Variants in KLHL8 observed in about 807,000 individuals in gnomAD.
KLHL8 encodes kelch-like protein 8.
KLHL8 carries 38 observed loss-of-function variants against 63.5 expected under a neutral mutation model. The ratio of observed to expected loss-of-function variants is 0.60; its 90% CI spans 0.46 to 0.78. The LOEUF is 0.78. KLHL8 is among the 30% of genes least tolerant of loss of function. KLHL8 has a pLI of 0.00. For synonymous variants in KLHL8, 224 were observed against 254.3 expected (o/e 0.88, Z 1.13); for missense variants, 566 against 752.4 (o/e 0.75, Z 2.90).
chr4:87,190,033 C>CA (rs35607781), intron 2 of KLHL8, among the ~76,000 whole-genome samples: 14,487 of 76,402 alleles, frequency 0.19, 1,420 homozygotes, highest in South Asian at 0.23. Flanking sequence ...GCCTCCATCT[C>CA]AAAAAAAAAA....
chr4:87,214,788 AG>A (rs1039362725), intron 1 of KLHL8, among the ~76,000 whole-genome samples: 1 of 145,874 alleles, frequency 6.9e-6, no homozygotes, highest in African/African-American at 2.4e-5. Flanking sequence ...GAATTTTTAA[AG>A]GTTTTTTTTT....
chr4:87,174,489 G>C (rs1730746030), intron 6 of KLHL8, among the ~76,000 whole-genome samples: 1 of 152,064 alleles, frequency 6.6e-6, no homozygotes, highest in Non-Finnish European at 1.5e-5. Context: ...ATGTTGGCCA[G>C]GCTGGTCTCA....
At chr4:87,215,934 TATC>T (rs1208114217) in intron 1 of KLHL8, among the ~76,000 whole-genome samples, 2 of 152,190 alleles carry the variant, frequency 1.3e-5, no homozygotes, top group African/African-American at 4.8e-5. Flanking sequence ...ATACAAGAAA[TATC>T]ATACAACAGA....
intron 8 of KLHL8, among the ~76,000 whole-genome samples, chr4:87,165,094 G>A (rs1381322350): frequency 7.0e-6 from 1 of 143,118 alleles, no homozygotes; most frequent in East Asian, 2.1e-4. Context: ...CGCTTGCAGT[G>A]AGCCGAGATT....
At chr4:87,200,306 C>G (rs1731870037) in intron 1 of KLHL8, among the ~76,000 whole-genome samples, 1 of 152,034 alleles carries the variant, frequency 6.6e-6, no homozygotes. Context: ...CCTTAAGTCC[C>G]TTATATAAAC....
chr4:87,209,248 C>A (rs13435811), intron 1 of KLHL8, among the ~76,000 whole-genome samples: 12,048 of 152,080 alleles, frequency 0.079, 647 homozygotes, highest in Non-Finnish European at 0.12. Context: ...TTCCTCCTTC[C>A]TCAAATATAT....
chr4:87,173,724 T>G (rs891247696), intron 6 of KLHL8, among the ~76,000 whole-genome samples: 1 of 152,238 alleles, frequency 6.6e-6, no homozygotes, highest in African/African-American at 2.4e-5. Context: ...CTAGAGAAGT[T>G]TCATTCAATC....
rs1446966677 is a variant in KLHL8 at position 87,207,603 on chromosome 4, A to G, written c.-151-11913T>C. The G allele has an allele frequency of 4.9e-6, 6 of 1,213,732 alleles. No individual in the cohort carries two copies. In the African/African-American group the frequency reaches 9.0e-5, roughly 18 times the overall value. The allele number at this position is 1,213,732 out of a possible 1,614,324, so 75.2% of individuals were successfully genotyped here. A position where few individuals can be genotyped will look rare whatever the true frequency, so the allele number is the denominator to read the frequency against. The stretch of plus-strand genomic sequence containing the variant: ...ATGACAACTTTGGTATCGTGGAAGG[A>G]CTCATGACTACAGTCCATGCCATCA... On this transcript the variant is annotated intron_variant, in intron 1 of 9. Coordinates refer to ENST00000273963, the MANE Select transcript of KLHL8 (RefSeq NM_020803.5).
chr4:87,166,296 T>C (rs988983445), intron 8 of KLHL8, among the ~76,000 whole-genome samples: 2 of 152,244 alleles, frequency 1.3e-5, no homozygotes, highest in African/African-American at 4.8e-5. Context: ...CTGCTACTTA[T>C]AAGAGAATGC....
At chr4:87,184,464 G>C (rs1303115786) in intron 3 of KLHL8, among the ~76,000 whole-genome samples, 1 of 152,100 alleles carries the variant, frequency 6.6e-6, no homozygotes, top group Non-Finnish European at 1.5e-5. Context: ...AGGAAACTTT[G>C]TTATTAAAAA....
At chr4:87,180,022 T>C (rs1348577408) in intron 4 of KLHL8, among the ~76,000 whole-genome samples, 1 of 152,176 alleles carries the variant, frequency 6.6e-6, no homozygotes, top group Non-Finnish European at 1.5e-5. Flanking sequence ...ACTTCCTTCA[T>C]ACTTTGAGCA....
intron 1 of KLHL8, among the ~76,000 whole-genome samples, chr4:87,233,445 G>T (rs770561829): frequency 6.6e-6 from 1 of 152,044 alleles, no homozygotes; most frequent in Non-Finnish European, 1.5e-5. Flanking sequence ...GTTGTGGCAC[G>T]CACCTTTATT....
At chr4:87,168,042 C>A (rs1464663468) in intron 8 of KLHL8, among the ~76,000 whole-genome samples, 2 of 152,150 alleles carry the variant, frequency 1.3e-5, no homozygotes, top group South Asian at 4.1e-4. Context: ...CCCCACACCC[C>A]GCCCCCCGCC....
At chr4:87,198,137 G>A (rs566293380) in intron 1 of KLHL8, among the ~76,000 whole-genome samples, 23 of 151,820 alleles carry the variant, frequency 1.5e-4, no homozygotes, top group Non-Finnish European at 2.6e-4. Flanking sequence ...TGGCCAACAT[G>A]GCAAAACCCC....
intron 8 of KLHL8, chr4:87,167,303 G>A (rs1730441994): frequency 2.2e-6 from 1 of 461,244 alleles, no homozygotes; most frequent in East Asian, 5.0e-5. Context: ...GGCTGCTTTA[G>A]TGTTCAAAGA....
intron 1 of KLHL8, among the ~76,000 whole-genome samples, chr4:87,212,718 T>G (rs1323114160): frequency 6.6e-6 from 1 of 152,228 alleles, no homozygotes; most frequent in Non-Finnish European, 1.5e-5. Flanking sequence ...TTATAACACT[T>G]TATTTTTGCT....
intron 1 of KLHL8, among the ~76,000 whole-genome samples, chr4:87,238,400 G>A (rs941552387): frequency 2.6e-5 from 4 of 152,168 alleles, no homozygotes; most frequent in African/African-American, 9.7e-5. Flanking sequence ...TAATGAAAAT[G>A]TTCTTGGCCA....
intron 3 of KLHL8, among the ~76,000 whole-genome samples, chr4:87,185,018 G>A (rs1731196792): frequency 6.6e-6 from 1 of 152,022 alleles, no homozygotes; most frequent in Admixed American, 6.6e-5. Flanking sequence ...TAAATATTCA[G>A]GTTAAAAGCA....
intron 8 of KLHL8, among the ~76,000 whole-genome samples, chr4:87,165,119 C>A (rs1730343027): frequency 7.6e-6 from 1 of 131,750 alleles, no homozygotes; most frequent in Non-Finnish European, 1.5e-5. Flanking sequence ...CACTGCACTC[C>A]AGCCTGGGCG....
Sources: gnomAD v4.1 joint callset for allele counts (sites outside exome capture counted in the v4.1 genomes callset) on GRCh38, gnomAD v4.1.1 for gene constraint, MANE v1.5 for transcripts, NCBI Gene and HGNC (gene_info 2026-07-23, HGNC 2026-07-21) for gene names.